The following PPFIBP2 variants were observed in gnomAD, a reference collection of about 807,000 sequenced individuals.
The protein encoded by PPFIBP2 is PPFIB scaffold protein 2.
Under a neutral mutation model 118.3 loss-of-function variants are expected in PPFIBP2, and 118 were observed. The observed-to-expected ratio is 1.00, with a 90% CI of 0.86 to 1.16. PPFIBP2 has a LOEUF of 1.16. Among genes scored for constraint, PPFIBP2 ranks in the 50% most tolerant of loss-of-function variants. The pLI is 0.00. For missense variants in PPFIBP2, 1,195 were observed against 1,073.1 expected, an observed-to-expected ratio of 1.11 and a Z score of -1.59; for synonymous variants, 414 against 397.4, an observed-to-expected ratio of 1.04 and a Z score of -0.50.
chr11:7,601,044 G>A (rs1861332141), intron 5 of PPFIBP2, among the ~76,000 whole-genome samples: 1 of 152,140 alleles, frequency 6.6e-6, no homozygotes, highest in South Asian at 2.1e-4. Context: ...AATGAGGATA[G>A]CCCAAACCTT....
intron 3 of PPFIBP2, among the ~76,000 whole-genome samples, chr11:7,580,323 C>T (rs182259922): frequency 1.3e-5 from 2 of 152,314 alleles, no homozygotes. Flanking sequence ...CACCCTTTCT[C>T]CTGTGCTTCA....
chr11:7,666,216 G>A, the PPFIBP2 span: 3 of 579,286 alleles, frequency 5.2e-6, no homozygotes, highest in African/African-American at 1.9e-5. Context: ...GTTCAGTGCA[G>A]CGTGAGGTGC....
intron 1 of PPFIBP2, among the ~76,000 whole-genome samples, chr11:7,523,853 C>A (rs1272692891): frequency 1.3e-5 from 2 of 152,062 alleles, no homozygotes; most frequent in Non-Finnish European, 2.9e-5. Flanking sequence ...CTTAGGGATG[C>A]CAGTGAGGTG....
In PPFIBP2 at chr11:7,634,553, G is replaced by A. The variant is rs1253069950; in HGVS notation, c.1194+1G>A. ...CTTGAGAAGTGAATCTGTGGATAAG[G>A]TCGGCTCATCAACCTATCCTTAAAG... On this transcript the variant is annotated splice_donor_variant, in intron 13 of 23. Coordinates refer to ENST00000299492, the MANE Select transcript of PPFIBP2 (RefSeq NM_003621.5). LOFTEE classifies it high-confidence loss of function. The A allele has an allele frequency of 5.0e-6, 8 of 1,612,014 alleles. No homozygotes were observed. Among genetic ancestry groups the A allele is most frequent in the East Asian group, 2.2e-5 (1 of 44,866 alleles).
intron 23 of PPFIBP2, 34 bp from the exon 24 acceptor site, chr11:7,652,990 G>A (rs769914532): frequency 3.2e-6 from 5 of 1,581,636 alleles, no homozygotes; most frequent in African/African-American, 1.3e-5. Flanking sequence ...TGCCTTGATT[G>A]CCTTCTCATA....
At chr11:7,661,052 G>C (rs1404615587), downstream of PPFIBP2, among the ~76,000 whole-genome samples, 1 of 151,746 alleles carries the variant, frequency 6.6e-6, no homozygotes, top group African/African-American at 2.4e-5. Flanking sequence ...TTCTTTATTA[G>C]TTTTGCTAGC....
downstream of PPFIBP2, among the ~76,000 whole-genome samples, chr11:7,660,772 G>A (rs915833060): frequency 1.9e-4 from 28 of 151,012 alleles, no homozygotes; most frequent in South Asian, 4.2e-4. Context: ...GAATCCATCT[G>A]GTCCTGGACT....
At chr11:7,665,577 A>G in the PPFIBP2 span, 1 of 1,571,884 alleles carries the variant, frequency 6.4e-7, no homozygotes, top group Non-Finnish European at 8.6e-7. Flanking sequence ...GAGCAAGCTG[A>G]GCGATGCCAG....
intron 6 of PPFIBP2, among the ~76,000 whole-genome samples, chr11:7,620,328 C>CTT (rs1223415974): frequency 6.6e-6 from 1 of 152,168 alleles, no homozygotes; most frequent in African/African-American, 2.4e-5. Context: ...AGTTATCTCC[C>CTT]TTTCTGTCTC....
At chr11:7,619,140 C>A (rs1286742224) in intron 6 of PPFIBP2, among the ~76,000 whole-genome samples, 1 of 152,136 alleles carries the variant, frequency 6.6e-6, no homozygotes, top group Admixed American at 6.5e-5. Flanking sequence ...TAGCAAATAC[C>A]TCATGGAGTT....
chr11:7,587,414 T>C (rs1483797522), intron 3 of PPFIBP2, among the ~76,000 whole-genome samples: 1 of 152,276 alleles, frequency 6.6e-6, no homozygotes, highest in African/African-American at 2.4e-5. Context: ...AATTCTTTCC[T>C]ACAAGTCTGT....
intron 3 of PPFIBP2, among the ~76,000 whole-genome samples, chr11:7,575,571 A>G (rs911215409): frequency 2.6e-5 from 4 of 152,268 alleles, no homozygotes; most frequent in African/African-American, 9.6e-5. Context: ...CAGCTCCCAA[A>G]TCAGCTTGTC....
downstream of PPFIBP2, among the ~76,000 whole-genome samples, chr11:7,656,109 T>C (rs115312436): frequency 2.4e-3 from 362 of 152,324 alleles, no homozygotes; most frequent in African/African-American, 8.1e-3. Context: ...GGCTTAGTTA[T>C]CTGTAAAGCA....
intron 1 of PPFIBP2, among the ~76,000 whole-genome samples, chr11:7,526,904 C>T (rs1162561896): frequency 3.3e-5 from 5 of 151,954 alleles, no homozygotes; most frequent in African/African-American, 9.7e-5. Flanking sequence ...CTACCTTGGC[C>T]CAACCATCTG....
intron 6 of PPFIBP2, among the ~76,000 whole-genome samples, chr11:7,618,532 A>T (rs1450035792): frequency 1.3e-5 from 2 of 152,192 alleles, no homozygotes; most frequent in Non-Finnish European, 2.9e-5. Context: ...TACAAGGCTG[A>T]GCAGAAGAAC....
At chr11:7,593,379 T>G (rs1859694721) in intron 4 of PPFIBP2, among the ~76,000 whole-genome samples, 155 bp downstream of exon 4, 1 of 152,164 alleles carries the variant, frequency 6.6e-6, no homozygotes, top group Admixed American at 6.5e-5. Flanking sequence ...AATAAAACAT[T>G]AAGTAACTGA....
chr11:7,537,129 T>C (rs1851300485), intron 1 of PPFIBP2, among the ~76,000 whole-genome samples: 1 of 152,124 alleles, frequency 6.6e-6, no homozygotes, highest in Non-Finnish European at 1.5e-5. Flanking sequence ...CCCTCAGTGG[T>C]TGTCATTGCC....
chr11:7,573,149 G>C (rs1180432728), intron 3 of PPFIBP2, among the ~76,000 whole-genome samples: 1 of 152,112 alleles, frequency 6.6e-6, no homozygotes, highest in Non-Finnish European at 1.5e-5. Flanking sequence ...CCAGTAGTAC[G>C]AGCATCACCT....
intron 2 of PPFIBP2, among the ~76,000 whole-genome samples, chr11:7,562,446 C>T (rs1161967882): frequency 6.6e-6 from 1 of 152,200 alleles, no homozygotes; most frequent in African/African-American, 2.4e-5. Flanking sequence ...AGTCACAGTG[C>T]TCTTTATAAC....
Sources: allele counts gnomAD v4.1 joint callset (sites outside exome capture counted in the v4.1 genomes callset), GRCh38; gene constraint gnomAD v4.1.1; transcripts MANE v1.5; gene names NCBI Gene and HGNC (gene_info 2026-07-23, HGNC 2026-07-21).